Variants in HYDIN observed in about 807,000 individuals in gnomAD.
HYDIN encodes the protein HYDIN axonemal central pair apparatus protein.
In HYDIN, 132 loss-of-function variants were observed where a neutral mutation model predicts 403.9. The ratio of observed to expected loss-of-function variants is 0.33; its 90% CI spans 0.28 to 0.38. The LOEUF (loss-of-function observed/expected upper bound fraction) is 0.38. Ranked by LOEUF, HYDIN falls within the 10% of genes least tolerant of loss-of-function variation. The pLI is 1.00. For synonymous variants in HYDIN, 1,202 were observed against 1,891.7 expected, an observed-to-expected ratio of 0.64 and a Z score of 9.46; for missense variants, 2,827 against 5,009.5, an observed-to-expected ratio of 0.56 and a Z score of 13.15.
intron 45 of HYDIN, among the ~76,000 whole-genome samples, chr16:70,934,480 T>G (rs1292817792): frequency 1.3e-5 from 2 of 152,124 alleles, no homozygotes; most frequent in Non-Finnish European, 2.9e-5. Flanking sequence ...AGGAAGGTCT[T>G]TAGTCATTCC....
Position 70,879,578 on chromosome 16 carries a change from AGGGAGCT to A in HYDIN, c.10367+20_10367+26del, listed in dbSNP as rs751567966. 1.2e-6 allele frequency: 2 copies of A among 1,612,008 alleles called. No individual in the cohort carries two copies. The highest frequency in any genetic ancestry group is 1.4e-5 in the African/African-American group (1 of 73,470). The stretch of plus-strand genomic sequence containing the variant: ...GTGGCCTGCAGTCCTGCTGCAGGAG[AGGGAGCT>A]GGGAGCTGGGAGTTGGTACCTGGGC... On this transcript the variant is annotated intron_variant, in intron 61 of 85. Transcript: ENST00000393567.
chr16:71,192,160 T>C (rs2087468875), intron 1 of HYDIN, among the ~76,000 whole-genome samples: 1 of 151,720 alleles, frequency 6.6e-6, no homozygotes, highest in Non-Finnish European at 1.5e-5. Flanking sequence ...GGTCCCAGAG[T>C]CCACACTTTT....
At chr16:70,938,312 G>A (rs1304011349) in intron 44 of HYDIN, among the ~76,000 whole-genome samples, 1 of 152,220 alleles carries the variant, frequency 6.6e-6, no homozygotes, top group Admixed American at 6.5e-5. Context: ...GCCAGCAGGG[G>A]CCCCAGGGCA....
At chr16:70,819,245 G>A (rs1319440654) in intron 83 of HYDIN, among the ~76,000 whole-genome samples, 3 of 151,812 alleles carry the variant, frequency 2.0e-5, no homozygotes, top group Admixed American at 2.0e-4. Flanking sequence ...TCCTGTTGCT[G>A]CTGGGATAGT....
At chr16:70,837,389 G>A (rs991555996) in intron 77 of HYDIN, among the ~76,000 whole-genome samples, 3 of 152,152 alleles carry the variant, frequency 2.0e-5, no homozygotes, top group Non-Finnish European at 1.5e-5. Context: ...TGCTGAGTCT[G>A]AAAGTCTCAA....
At chr16:71,217,226 A>G (rs1176042841) in intron 1 of HYDIN, among the ~76,000 whole-genome samples, 1 of 152,168 alleles carries the variant, frequency 6.6e-6, no homozygotes, top group African/African-American at 2.4e-5. Flanking sequence ...GGCAAAAATG[A>G]TTTTGAACTG....
At chr16:71,219,516 C>T (rs2144754273) in intron 1 of HYDIN, among the ~76,000 whole-genome samples, 1 of 152,222 alleles carries the variant, frequency 6.6e-6, no homozygotes, top group Admixed American at 6.5e-5. Context: ...AATATAGGAT[C>T]TAACATAGGA....
chr16:71,000,730 A>AC (rs1015027920), intron 23 of HYDIN, among the ~76,000 whole-genome samples: 4 of 151,224 alleles, frequency 2.6e-5, no homozygotes, highest in African/African-American at 9.7e-5. Context: ...GGGTAATTTG[A>AC]CCCCCCGGTC....
intron 53 of HYDIN, among the ~76,000 whole-genome samples, chr16:70,898,215 C>A (rs1412336231): frequency 6.6e-6 from 1 of 151,844 alleles, no homozygotes; most frequent in African/African-American, 2.4e-5. Flanking sequence ...CCTTTCTGTA[C>A]CAGTTGGTAA....
intron 12 of HYDIN, among the ~76,000 whole-genome samples, chr16:71,086,746 T>C (rs2144359626): frequency 6.6e-6 from 1 of 152,354 alleles, no homozygotes; most frequent in East Asian, 1.9e-4. Flanking sequence ...GTTGATCTGC[T>C]GGATCTTATC....
At chr16:71,141,086 T>C (rs1362126957) in intron 7 of HYDIN, among the ~76,000 whole-genome samples, 2 of 151,470 alleles carry the variant, frequency 1.3e-5, no homozygotes, top group Non-Finnish European at 2.9e-5. Flanking sequence ...AATTAAAATA[T>C]AGTAAAGTCT....
At position 71,084,953 on chromosome 16, in the gene HYDIN, CT is replaced by C. The variant is rs2082890020; in HGVS notation, c.1670+3347del. Among the ~76,000 whole-genome samples the C allele has an allele frequency of 2.7e-5, 4 of 149,304 alleles. No individual in the cohort carries two copies. In the South Asian group the frequency reaches 8.6e-4, roughly 32 times the overall value. On this transcript the variant is annotated intron_variant, in intron 12 of 85. Transcript: ENST00000393567. ...CTTTCATCATTCAGGATAAATCCCA[CT>C]TCGTCATGGGGTATAATCCTTTCCA...
chr16:71,119,924 C>G (rs548007045), intron 9 of HYDIN, among the ~76,000 whole-genome samples: 3 of 151,930 alleles, frequency 2.0e-5, no homozygotes, highest in Non-Finnish European at 4.4e-5. Flanking sequence ...AATTCCATGT[C>G]ATTTATGTCT....
At chr16:71,123,711 G>T (rs112047926) in intron 9 of HYDIN, among the ~76,000 whole-genome samples, 4 of 143,872 alleles carry the variant, frequency 2.8e-5, no homozygotes, top group African/African-American at 1.0e-4. Context: ...CACATGTTGT[G>T]GGAGGGACCT....
At chr16:71,178,241 G>A (rs1026429218) in intron 4 of HYDIN, among the ~76,000 whole-genome samples, 1 of 151,956 alleles carries the variant, frequency 6.6e-6, no homozygotes, top group African/African-American at 2.4e-5. Context: ...CCAACATGGA[G>A]AAACCCTGTT....
At chr16:71,190,361 C>T (rs537187828) in intron 1 of HYDIN, among the ~76,000 whole-genome samples, 3 of 144,152 alleles carry the variant, frequency 2.1e-5, no homozygotes, top group East Asian at 2.1e-4. Flanking sequence ...AAAAAAAAGT[C>T]GGCAATAGAT....
chr16:70,902,821 A>ATATATATTTT, intron 52 of HYDIN, among the ~76,000 whole-genome samples: 5 of 47,314 alleles, frequency 1.1e-4, no homozygotes, highest in African/African-American at 2.3e-4. Context: ...ATATATATAT[A>ATATATATTTT]TTTTTTTTTT....
chr16:71,012,782 A>G (rs1221769198), intron 23 of HYDIN, among the ~76,000 whole-genome samples: 2 of 151,588 alleles, frequency 1.3e-5, no homozygotes, highest in Non-Finnish European at 2.9e-5. Flanking sequence ...ACCTTTAGCC[A>G]CTTTTATGTG....
chr16:70,937,660 A>G (rs2077533163), intron 44 of HYDIN, among the ~76,000 whole-genome samples: 1 of 81,840 alleles, frequency 1.2e-5, no homozygotes, highest in African/African-American at 3.8e-5. Context: ...ACAGAGCAAG[A>G]GTCTGTCTCA....
Sources: allele counts gnomAD v4.1 joint callset (sites outside exome capture counted in the v4.1 genomes callset), GRCh38; gene constraint gnomAD v4.1.1; transcripts MANE v1.5; gene names NCBI Gene and HGNC (gene_info 2026-07-23, HGNC 2026-07-21).